The following VAV3 variants were observed in gnomAD, a reference collection of about 807,000 sequenced individuals.
The protein encoded by VAV3 is guanine nucleotide exchange factor VAV3.
A neutral mutation model predicts 131.2 loss-of-function variants in VAV3; 94 were observed. The ratio of observed to expected loss-of-function variants is 0.72; its 90% CI spans 0.61 to 0.85. The LOEUF is 0.85. VAV3 is among the 40% of genes least tolerant of loss of function. The pLI, the probability that VAV3 is intolerant of heterozygous loss-of-function variation, is 0.00. For missense variants in VAV3, 939 were observed against 1,002.7 expected (o/e 0.94, Z 0.86); for synonymous variants, 349 against 342.0 (o/e 1.02, Z -0.22).
chr1:107,686,926 A>AAT (rs912497101), intron 18 of VAV3, among the ~76,000 whole-genome samples: 6 of 152,112 alleles, frequency 3.9e-5, no homozygotes, highest in Admixed American at 2.0e-4. Flanking sequence ...TGGAAAAAAT[A>AAT]ATATATATAT....
At chr1:107,750,729 A>G (rs1243137909) in intron 13 of VAV3, among the ~76,000 whole-genome samples, 2 of 152,258 alleles carry the variant, frequency 1.3e-5, no homozygotes, top group Non-Finnish European at 2.9e-5. Context: ...AGAAAATATT[A>G]CTACGTGATT....
chr1:107,753,549 T>TATATATATATATATATACACACAC (rs771773884), intron 12 of VAV3, among the ~76,000 whole-genome samples: 43 of 81,622 alleles, frequency 5.3e-4, no homozygotes, highest in Middle Eastern at 5.9e-3. Context: ...TATATATATA[T>TATATATATATATATATACACACAC]ACACACACAC....
intron 2 of VAV3, among the ~76,000 whole-genome samples, chr1:107,822,822 G>C (rs1667858599): frequency 6.6e-6 from 1 of 152,086 alleles, no homozygotes; most frequent in Non-Finnish European, 1.5e-5. Flanking sequence ...TAATAATTAT[G>C]TCTTGAACAC....
chr1:107,716,596 G>A (rs894824818), intron 15 of VAV3, among the ~76,000 whole-genome samples: 8 of 152,200 alleles, frequency 5.3e-5, no homozygotes, highest in African/African-American at 1.9e-4. Flanking sequence ...ACTTGATCAT[G>A]GTGGATAAGC....
chr1:107,652,014 G>A (rs1277879806), intron 19 of VAV3, among the ~76,000 whole-genome samples: 3 of 152,010 alleles, frequency 2.0e-5, no homozygotes, highest in South Asian at 2.1e-4. Context: ...CCAGAGCAAC[G>A]CCATCTTGAA....
At position 107,833,368 on chromosome 1, in the gene VAV3, A is replaced by T. The variant is rs1455247793; in HGVS notation, c.321+41533T>A. Among the ~76,000 whole-genome samples the T allele has an allele frequency of 3.3e-5, 5 of 152,226 alleles. No homozygotes were observed. In the East Asian group the frequency reaches 9.6e-4, roughly 29 times the overall value. On this transcript the variant is annotated intron_variant, in intron 2 of 26. Transcript: ENST00000370056. ...TGTGAAGGCTGAGAAAGGTGAGGAAACTGTAGAAGAAAAGTTTGAAGCTAA... is the reference window on the plus strand; with the variant it reads ...TGTGAAGGCTGAGAAAGGTGAGGAATCTGTAGAAGAAAAGTTTGAAGCTAA...
chr1:107,685,548 A>G (rs1458995632), intron 18 of VAV3, among the ~76,000 whole-genome samples: 5 of 152,064 alleles, frequency 3.3e-5, no homozygotes, highest in Admixed American at 6.5e-5. Context: ...CCTCCTGAAA[A>G]TCCACTGAAA....
chr1:107,824,827 T>C (rs1667944426), intron 2 of VAV3, among the ~76,000 whole-genome samples: 1 of 152,052 alleles, frequency 6.6e-6, no homozygotes, highest in East Asian at 1.9e-4. Flanking sequence ...AGAATCTTAT[T>C]AAGAATTAGA....
At chr1:107,841,358 G>GA (rs765556378) in intron 2 of VAV3, among the ~76,000 whole-genome samples, 1 of 151,924 alleles carries the variant, frequency 6.6e-6, no homozygotes, top group African/African-American at 2.4e-5. Context: ...GAAATATGGG[G>GA]AAAAAAACTA....
At chr1:107,916,210 A>G (rs1672614190) in intron 1 of VAV3, among the ~76,000 whole-genome samples, 1 of 152,194 alleles carries the variant, frequency 6.6e-6, no homozygotes, top group African/African-American at 2.4e-5. Context: ...TGAAAAGAAG[A>G]AAAAAACTTC....
chr1:107,711,758 CAG>C (rs376928801), intron 15 of VAV3, among the ~76,000 whole-genome samples: 87 of 152,068 alleles, frequency 5.7e-4, no homozygotes, highest in Non-Finnish European at 1.0e-3. Context: ...GGCTGGAGTG[CAG>C]TGGTGCAACC....
chr1:107,787,076 C>T (rs1237765361), intron 2 of VAV3, among the ~76,000 whole-genome samples: 1 of 152,126 alleles, frequency 6.6e-6, no homozygotes, highest in Non-Finnish European at 1.5e-5. Flanking sequence ...CATTTATGGA[C>T]TTTCCAGATT....
chr1:107,908,447 G>GC (rs1174155550), intron 1 of VAV3, among the ~76,000 whole-genome samples: 3 of 151,996 alleles, frequency 2.0e-5, no homozygotes, highest in Admixed American at 6.5e-5. Context: ...TAAAATACCT[G>GC]TAGCAATTTA....
At chr1:107,634,593 A>C (rs1005068237) in intron 20 of VAV3, among the ~76,000 whole-genome samples, 4 of 152,090 alleles carry the variant, frequency 2.6e-5, no homozygotes, top group African/African-American at 9.7e-5. Flanking sequence ...CACCAAAAGC[A>C]ATGGCAATGA....
intron 13 of VAV3, 50 bp from the exon 14 acceptor site, chr1:107,749,644 G>T (rs773892995): frequency 8.3e-6 from 13 of 1,574,252 alleles, no homozygotes; most frequent in South Asian, 7.1e-5. Flanking sequence ...AGAAACATGG[G>T]TTATTAATTT....
At chr1:107,866,565 C>T (rs998527196) in intron 2 of VAV3, among the ~76,000 whole-genome samples, 1 of 151,874 alleles carries the variant, frequency 6.6e-6, no homozygotes, top group Non-Finnish European at 1.5e-5. Context: ...GCCTATAATC[C>T]CAGCAGTTTG....
chr1:107,772,917 AT>A, intron 4 of VAV3, 74 bp from the exon 5 acceptor site: 1 of 1,264,394 alleles, frequency 7.9e-7, no homozygotes. Flanking sequence ...AGCCTACTGG[AT>A]TTTAGTAAAA....
rs751403502 is a variant in VAV3, at chr1:107,779,482, G to T, written c.332C>A (p.Thr111Lys). 6.3e-7 allele frequency: 1 copy of T among 1,588,110 alleles called. No individual in the cohort carries two copies. Among genetic ancestry groups the T allele is most frequent in the South Asian group, 1.2e-5 (1 of 85,952 alleles). ...DVRDFGKVIETLSRLSRTPIA... is the reference protein window; with the variant it reads ...DVRDFGKVIEKLSRLSRTPIA... ...AGGTGTTCGAGAAAGTCGTGATAATGTTTCTATAACCTGAGAAAAGAGGAA... is the reference window on the plus strand; with the variant it reads ...AGGTGTTCGAGAAAGTCGTGATAATTTTTCTATAACCTGAGAAAAGAGGAA... The change falls in exon 3 of 27, where the codon ACA becomes AAA. Residue 111 changes from threonine (T) to lysine (K), a missense_variant. By Grantham distance (78) the Thr-to-Lys change is moderately conservative (BLOSUM62 -1). Coordinates refer to ENST00000370056, the MANE Select transcript of VAV3 (RefSeq NM_006113.5).
chr1:107,691,993 T>C (rs1190612276), intron 17 of VAV3, among the ~76,000 whole-genome samples: 1 of 151,996 alleles, frequency 6.6e-6, no homozygotes, highest in Non-Finnish European at 1.5e-5. Flanking sequence ...AATTCATACA[T>C]TATTGCACAA....
Sources: gnomAD v4.1 joint callset for allele counts (sites outside exome capture counted in the v4.1 genomes callset) on GRCh38, gnomAD v4.1.1 for gene constraint, MANE v1.5 for transcripts, NCBI Gene and HGNC (gene_info 2026-07-23, HGNC 2026-07-21) for gene names.